The following CPNE4 variants were observed in gnomAD, a reference collection of about 807,000 sequenced individuals.
CPNE4 encodes copine-4.
Under a neutral mutation model 67.9 loss-of-function variants are expected in CPNE4, and 25 were observed. That is an observed-to-expected ratio of 0.37 (90% CI 0.27 to 0.51). The LOEUF (loss-of-function observed/expected upper bound fraction) is 0.51, where lower values mean the gene tolerates loss of function less well. CPNE4 is among the 20% of genes least tolerant of loss of function. The pLI, the probability that CPNE4 is intolerant of heterozygous loss-of-function variation, is 0.93. For missense variants in CPNE4, 464 were observed against 690.8 expected (o/e 0.67, Z 3.68); for synonymous variants, 242 against 244.9 (o/e 0.99, Z 0.11).
intron 1 of CPNE4, among the ~76,000 whole-genome samples, chr3:131,958,316 C>G (rs2072038245): frequency 6.6e-6 from 1 of 152,144 alleles, no homozygotes; most frequent in Non-Finnish European, 1.5e-5. Flanking sequence ...CAGCCTGATT[C>G]TAACAATTTC....
intron 2 of CPNE4, among the ~76,000 whole-genome samples, chr3:131,844,508 T>C (rs2085920324): frequency 6.6e-6 from 1 of 152,136 alleles, no homozygotes; most frequent in Admixed American, 6.5e-5. Context: ...CCTCAGATGA[T>C]CTGCCTGCCT....
intron 10 of CPNE4, among the ~76,000 whole-genome samples, chr3:131,572,352 A>T (rs1937381132): frequency 6.6e-6 from 1 of 152,116 alleles, no homozygotes; most frequent in Non-Finnish European, 1.5e-5. Flanking sequence ...ATTCAGTAAG[A>T]GGAGTATCTT....
At chr3:131,760,828 G>A (rs527474864) in intron 2 of CPNE4, among the ~76,000 whole-genome samples, 1 of 152,274 alleles carries the variant, frequency 6.6e-6, no homozygotes, top group South Asian at 2.1e-4. Flanking sequence ...CACAAAATGA[G>A]ATGACCAGTT....
upstream of CPNE4, among the ~76,000 whole-genome samples, chr3:132,039,257 C>A (rs756030805): frequency 2.6e-5 from 4 of 152,158 alleles, no homozygotes; most frequent in South Asian, 2.1e-4. Flanking sequence ...TGGGATGTAC[C>A]TTTATCTCTT....
intron 1 of CPNE4, among the ~76,000 whole-genome samples, chr3:131,930,327 G>A (rs938041229): frequency 2.0e-5 from 3 of 151,996 alleles, no homozygotes; most frequent in African/African-American, 7.3e-5. Flanking sequence ...ATATAGAAGA[G>A]GCTACCTTGA....
At chr3:131,795,908 T>A (rs2083906100) in intron 2 of CPNE4, among the ~76,000 whole-genome samples, 1 of 152,222 alleles carries the variant, frequency 6.6e-6, no homozygotes, top group South Asian at 2.1e-4. Context: ...TTTTGGCTCC[T>A]GGCCAGAGGC....
At chr3:132,007,554 T>C (rs907717422) in intron 1 of CPNE4, among the ~76,000 whole-genome samples, 2 of 152,114 alleles carry the variant, frequency 1.3e-5, no homozygotes, top group African/African-American at 2.4e-5. Flanking sequence ...GCACGTTGAC[T>C]ATCTCCACAA....
chr3:132,037,707 G>C (rs1470223137), upstream of CPNE4: 5 of 1,019,166 alleles, frequency 4.9e-6, no homozygotes, highest in East Asian at 1.3e-4. Flanking sequence ...CACTCGCCGG[G>C]TTTCTGTTTG....
At chr3:131,801,317 C>T (rs2084091490) in intron 2 of CPNE4, among the ~76,000 whole-genome samples, 1 of 140,372 alleles carries the variant, frequency 7.1e-6, no homozygotes. Flanking sequence ...AAAATTCTGT[C>T]TAGTCACTGG....
chr3:131,570,380 C>T (rs1179295460), intron 10 of CPNE4, among the ~76,000 whole-genome samples: 1 of 151,496 alleles, frequency 6.6e-6, no homozygotes, highest in Non-Finnish European at 1.5e-5. Context: ...TACATGTGCA[C>T]ATTGTGCAGG....
At chr3:131,894,085 A>G (rs1436895193) in intron 2 of CPNE4, among the ~76,000 whole-genome samples, 1 of 151,894 alleles carries the variant, frequency 6.6e-6, no homozygotes, top group Non-Finnish European at 1.5e-5. Flanking sequence ...GTTATTAACA[A>G]CCACACGACA....
intron 2 of CPNE4, among the ~76,000 whole-genome samples, chr3:131,872,659 G>A (rs150213432): frequency 1.3e-5 from 2 of 152,262 alleles, no homozygotes; most frequent in Admixed American, 6.5e-5. Flanking sequence ...TGAACATCAC[G>A]TAAGACTAAG....
At chr3:131,839,500 ATATT>A (rs1383345199) in intron 2 of CPNE4, among the ~76,000 whole-genome samples, 3 of 151,634 alleles carry the variant, frequency 2.0e-5, no homozygotes, top group African/African-American at 7.3e-5. Context: ...ATAAACATTT[ATATT>A]TATTAACATA....
intron 7 of CPNE4, among the ~76,000 whole-genome samples, chr3:131,655,654 G>A (rs966109859): frequency 1.3e-5 from 2 of 152,108 alleles, no homozygotes; most frequent in African/African-American, 2.4e-5. Context: ...CGACGTCGGG[G>A]GGCAGGGGGG....
At chr3:131,611,630 C>A (rs1207682974) in intron 7 of CPNE4, among the ~76,000 whole-genome samples, 1 of 150,664 alleles carries the variant, frequency 6.6e-6, no homozygotes, top group Non-Finnish European at 1.5e-5. Flanking sequence ...TATGGAGGAC[C>A]TCTCCTTTCC....
At chr3:131,604,037 G>A (rs1370504384) in intron 7 of CPNE4, among the ~76,000 whole-genome samples, 2 of 152,048 alleles carry the variant, frequency 1.3e-5, no homozygotes, top group African/African-American at 2.4e-5. Flanking sequence ...GATCACACTT[G>A]ATCAACTTTG....
At chr3:131,951,718 A>G (rs1180540572) in intron 1 of CPNE4, among the ~76,000 whole-genome samples, 1 of 152,172 alleles carries the variant, frequency 6.6e-6, no homozygotes, top group African/African-American at 2.4e-5. Flanking sequence ...GCGTGCCGCC[A>G]CGCCTGACTG....
In CPNE4 at chr3:131,533,761, T is replaced by A. The variant is rs1439852060; in HGVS notation, c.*1434A>T. On this transcript the variant is annotated 3_prime_UTR_variant, in exon 16 of 16. Transcript: ENST00000429747. ...TTGCTTGTTAATACTGCTCCCCTCT[T>A]CAAACAAACAACAAATTTTGCCTTG... The A allele has an allele frequency of 2.0e-5, 3 of 152,200 alleles. No homozygotes were observed. Among genetic ancestry groups the A allele is most frequent in the Non-Finnish European group, 4.4e-5 (3 of 68,032 alleles). 9.4% of individuals were successfully genotyped at this position (152,200 alleles called of 1,614,324 possible). A position where few individuals can be genotyped will look rare whatever the true frequency, so the allele number is the denominator to read the frequency against.
intron 2 of CPNE4, among the ~76,000 whole-genome samples, chr3:131,784,613 G>A (rs551118250): frequency 2.0e-5 from 3 of 152,204 alleles, no homozygotes; most frequent in South Asian, 4.1e-4. Flanking sequence ...AAATTCTGAG[G>A]TGCATTCTAC....
Sources: gnomAD v4.1 joint callset for allele counts (sites outside exome capture counted in the v4.1 genomes callset) on GRCh38, gnomAD v4.1.1 for gene constraint, MANE v1.5 for transcripts, NCBI Gene and HGNC (gene_info 2026-07-23, HGNC 2026-07-21) for gene names.